Variants in SEC16B observed in about 807,000 individuals in gnomAD.
SEC16B encodes the protein SEC16 homolog B, endoplasmic reticulum export factor.
A neutral mutation model predicts 141.8 loss-of-function variants in SEC16B; 115 were observed. That is an observed-to-expected ratio of 0.81 (90% CI 0.70 to 0.95). SEC16B has a LOEUF of 0.95. Ranked by LOEUF, SEC16B falls within the 40% of genes least tolerant of loss-of-function variation. SEC16B has a pLI of 0.00. For synonymous variants in SEC16B, 493 were observed against 492.5 expected (o/e 1.00, Z -0.01); for missense variants, 1,291 against 1,312.3 (o/e 0.98, Z 0.25).
chr1:177,945,379 A>G (rs1011369088), intron 14 of SEC16B: 1 of 152,236 alleles, frequency 6.6e-6, no homozygotes, highest in Non-Finnish European at 1.5e-5. Flanking sequence ...CTCATTCAAC[A>G]TAAACCAACG....
chr1:177,941,467 T>C (rs1292150078), intron 16 of SEC16B, among the ~76,000 whole-genome samples: 1 of 152,230 alleles, frequency 6.6e-6, no homozygotes, highest in Non-Finnish European at 1.5e-5. Flanking sequence ...TATGTTTTTG[T>C]TTTCTATTTT....
At chr1:177,958,744 T>C (rs1652824407) in intron 9 of SEC16B, 96 bp downstream of exon 9, 3 of 1,446,856 alleles carry the variant, frequency 2.1e-6, no homozygotes, top group Non-Finnish European at 2.8e-6. Flanking sequence ...TTCTTTAATA[T>C]TGCTTTTCAT....
intron 10 of SEC16B, 135 bp from the exon 11 acceptor site, chr1:177,954,511 T>C (rs1394111287): frequency 1.5e-6 from 1 of 653,350 alleles, no homozygotes; most frequent in East Asian, 2.7e-5. Flanking sequence ...TATAAGAATG[T>C]GAACAGCCAG....
intron 2 of SEC16B, among the ~76,000 whole-genome samples, chr1:177,966,979 A>T (rs1653575569): frequency 6.6e-6 from 1 of 152,210 alleles, no homozygotes; most frequent in South Asian, 2.1e-4. Flanking sequence ...CAACTGGAAA[A>T]GCTGAAGTAG....
chr1:177,973,586 C>T (rs944154271), upstream of SEC16B, among the ~76,000 whole-genome samples: 9 of 152,180 alleles, frequency 5.9e-5, no homozygotes, highest in African/African-American at 2.2e-4. Flanking sequence ...GTGCTCAAAA[C>T]TTCCAAGATT....
At chr1:177,979,759 AG>A (rs1277125900) in intron 1 of SEC16B, among the ~76,000 whole-genome samples, 12 of 152,352 alleles carry the variant, frequency 7.9e-5, no homozygotes, top group African/African-American at 2.9e-4. Context: ...TCATGGCAGA[AG>A]GCAAGGAGGA....
chr1:177,949,346 T>C (rs1302971746), intron 12 of SEC16B, among the ~76,000 whole-genome samples: 1 of 150,188 alleles, frequency 6.7e-6, no homozygotes, highest in Non-Finnish European at 1.5e-5. Flanking sequence ...TTGCTGGATC[T>C]ACAGAAACCA....
chr1:177,936,351 A>T lies in SEC16B; in HGVS notation c.2518T>A (p.Ser840Thr), dbSNP rs138112789. ...THLGPGENTVSQETSQPPDGQ... is the reference protein window; with the variant it reads ...THLGPGENTVTQETSQPPDGQ... Reference sequence around the variant, plus strand: ...TCAGGAGGCTGGGAAGTTTCTTGAGACACTGTGTTCTCTCCTGCATCACAA... The same window carrying T: ...TCAGGAGGCTGGGAAGTTTCTTGAGTCACTGTGTTCTCTCCTGCATCACAA... The change falls in exon 20 of 26, where the codon TCT (serine) becomes ACT (threonine). Residue 840 changes from serine to threonine, a missense_variant. Ser to Thr is a moderately conservative substitution (Grantham distance 58, BLOSUM62 1). Transcript: ENST00000308284. 39 of 1,610,018 alleles carry T rather than the reference A, an allele frequency of 2.4e-5. 2 individuals are homozygous for T. In the East Asian group the frequency reaches 8.7e-4, roughly 36 times the overall value.
intron 1 of SEC16B, among the ~76,000 whole-genome samples, chr1:177,979,282 C>T (rs1190443495): frequency 6.6e-6 from 1 of 152,116 alleles, no homozygotes; most frequent in African/African-American, 2.4e-5. Context: ...GATATTAAAT[C>T]ATAAAAATAA....
At chr1:177,933,125 G>C (rs1650570848) in intron 22 of SEC16B, 89 bp downstream of exon 22, 1 of 1,055,748 alleles carries the variant, frequency 9.5e-7, no homozygotes, top group Non-Finnish European at 1.4e-6. Flanking sequence ...GTAGACTCAG[G>C]TGCCAGCTCT....
At position 177,932,793 on chromosome 1, in the gene SEC16B, G is replaced by A; in HGVS notation, c.2837C>T (p.Ala946Val). 2 of 1,611,838 alleles carry A rather than the reference G, an allele frequency of 1.2e-6. No homozygotes were observed. The highest frequency in any genetic ancestry group is 1.7e-6 in the Non-Finnish European group (2 of 1,179,228). Reference sequence around the variant, plus strand: ...CAGGCCAGCCTGGTGGGGAGAAGATGCTCTGGGGGTCTCCTGCTTTGTGGA... The same window carrying A: ...CAGGCCAGCCTGGTGGGGAGAAGATACTCTGGGGGTCTCCTGCTTTGTGGA... ...DSPDSEETPR[A>V]SSPHQAGLGL... Residue 946 changes from alanine (A) to valine (V), a missense_variant, in exon 23 of 26, where the codon GCA (alanine) becomes GTA (valine). Ala to Val is a moderately conservative substitution (Grantham distance 64). Around this residue, in one of 3 missense-constraint regions of SEC16B, gnomAD observed 605 missense variants for 614.1 expected, o/e 0.99. Coordinates refer to ENST00000308284, the MANE Select transcript of SEC16B (RefSeq NM_033127.4).
intron 14 of SEC16B, chr1:177,945,568 T>G (rs1292621051): frequency 1.3e-5 from 2 of 152,226 alleles, no homozygotes; most frequent in African/African-American, 4.8e-5. Context: ...AAAAGGGCTT[T>G]GCAGGCTGAC....
chr1:177,979,842 C>T (rs115400642), intron 1 of SEC16B, among the ~76,000 whole-genome samples: 2,526 of 152,080 alleles, frequency 0.017, 81 homozygotes, highest in African/African-American at 0.056. Context: ...CCTTATAGAA[C>T]CATCAGATCT....
chr1:177,937,352 C>A lies in SEC16B; in HGVS notation c.2365G>T (p.Ala789Ser), dbSNP rs1557968905. Residue 789 changes from alanine to serine, a missense_variant, in exon 19 of 26, where the codon GCA becomes TCA. Transcript: ENST00000308284. ...QPGSYPAGGG[A>S]GQTGTPRPFY... is the part of the protein sequence containing the mutation. ...GGCCTCGGTGTCCCTGTCTGCCCTGCACCCCCTCCTGCTGGGTAGGAGCCC... is the reference window on the plus strand; with the variant it reads ...GGCCTCGGTGTCCCTGTCTGCCCTGAACCCCCTCCTGCTGGGTAGGAGCCC... 1.2e-6 allele frequency: 2 copies of A among 1,613,570 alleles called. No homozygotes were observed. Among genetic ancestry groups the A allele is most frequent in the South Asian group, 1.1e-5 (1 of 90,944 alleles).
upstream of SEC16B, among the ~76,000 whole-genome samples, chr1:177,974,753 G>C (rs1448264504): frequency 1.3e-5 from 2 of 152,188 alleles, no homozygotes; most frequent in Non-Finnish European, 2.9e-5. Flanking sequence ...AAGGGTTGGG[G>C]CTACCATGAG....
In SEC16B at chr1:177,967,764, G is replaced by C. The variant is rs1310176983; in HGVS notation, c.218C>G (p.Ala73Gly). 1 of 1,613,876 alleles carries C rather than the reference G, an allele frequency of 6.2e-7. No homozygotes were observed. The highest frequency in any genetic ancestry group is 1.3e-5 in the African/African-American group (1 of 74,930). The change falls in exon 2 of 26, where the codon GCA becomes GGA. Residue 73 changes from alanine (A) to glycine (G), a missense_variant. Physicochemically the swap from Ala to Gly is moderately conservative, Grantham distance 60. Transcript: ENST00000308284. ...CTGATGCCAGTCCCCTGGCCTGGAT[G>C]CATAATGGGGCTGCTGCTGATGGTC... ...RADHQQQPHYASRPGDWHQPV... is the reference protein window; with the variant it reads ...RADHQQQPHYGSRPGDWHQPV...
At chr1:177,965,477 T>C (rs115579405) in intron 3 of SEC16B, among the ~76,000 whole-genome samples, 2,641 of 152,088 alleles carry the variant, frequency 0.017, 68 homozygotes, top group African/African-American at 0.058. Context: ...AGACACACCC[T>C]ATACCTATTA....
chr1:177,932,779 G>C lies in SEC16B; in HGVS notation c.2851C>G (p.Gln951Glu). 1 of 1,612,904 alleles carries C rather than the reference G, an allele frequency of 6.2e-7. No individual in the cohort carries two copies. The highest frequency in any genetic ancestry group is 1.1e-5 in the South Asian group (1 of 90,704). ...EETPRASSPH[Q>E]AGLGLSLTPS... ...GTCAGTGAGAGGCCCAGGCCAGCCT[G>C]GTGGGGAGAAGATGCTCTGGGGGTC... The change falls in exon 23 of 26, where the codon CAG becomes GAG. Residue 951 changes from glutamine (Q) to glutamate (E), a missense_variant. Around this residue, in one of 3 missense-constraint regions of SEC16B, gnomAD observed 605 missense variants for 614.1 expected, o/e 0.99. Coordinates refer to ENST00000308284, the MANE Select transcript of SEC16B (RefSeq NM_033127.4).
intron 14 of SEC16B, 167 bp downstream of exon 14, chr1:177,946,253 G>A (rs1651693445): frequency 1.5e-6 from 1 of 685,342 alleles, no homozygotes. Flanking sequence ...GGGGCCCACG[G>A]GGCATCTCCT....
Sources: allele counts gnomAD v4.1 joint callset (sites outside exome capture counted in the v4.1 genomes callset), GRCh38; gene constraint gnomAD v4.1.1; regional missense constraint gnomAD v4.1.1; transcripts MANE v1.5; gene names NCBI Gene and HGNC (gene_info 2026-07-23, HGNC 2026-07-21).